The following HIVEP3 variants were observed in gnomAD, a reference collection of about 807,000 sequenced individuals.
HIVEP3 encodes the protein transcription factor HIVEP3.
In HIVEP3, 49 loss-of-function variants were observed where a neutral mutation model predicts 152.8. The observed-to-expected ratio is 0.32, with a 90% CI of 0.26 to 0.41. HIVEP3 has a LOEUF of 0.41. Among genes scored for constraint, HIVEP3 ranks in the 10% least tolerant of loss-of-function variants. The pLI is 1.00. For missense variants in HIVEP3, 2,790 were observed against 3,103.3 expected, an observed-to-expected ratio of 0.90 and a Z score of 2.40; for synonymous variants, 1,269 against 1,289.0, an observed-to-expected ratio of 0.98 and a Z score of 0.33.
At chr1:42,027,687 A>G (rs781292895) in intron 1 of HIVEP3, among the ~76,000 whole-genome samples, 198 of 152,212 alleles carry the variant, frequency 1.3e-3, no homozygotes, top group African/African-American at 4.8e-3. Flanking sequence ...CTGGGAACAA[A>G]AAGAGGTTTA....
At chr1:41,888,294 T>C (rs921584421) in intron 1 of HIVEP3, among the ~76,000 whole-genome samples, 3 of 148,534 alleles carry the variant, frequency 2.0e-5, no homozygotes, top group African/African-American at 7.5e-5. Context: ...CTTCGTAATC[T>C]GCCCACCTTG....
intron 1 of HIVEP3, among the ~76,000 whole-genome samples, chr1:41,893,122 C>CAA (rs59214004): frequency 0.061 from 4,662 of 76,488 alleles, 400 homozygotes; most frequent in African/African-American, 0.18. Context: ...GATCTCGTCT[C>CAA]AAAAAAAAAA....
intron 3 of HIVEP3, among the ~76,000 whole-genome samples, chr1:41,594,218 T>C (rs924371817): frequency 6.6e-6 from 1 of 152,224 alleles, no homozygotes; most frequent in African/African-American, 2.4e-5. Flanking sequence ...GTTTCAGTTA[T>C]AATTATTTTA....
At chr1:41,559,449 C>G (rs961125678) in intron 5 of HIVEP3, among the ~76,000 whole-genome samples, 1 of 152,142 alleles carries the variant, frequency 6.6e-6, no homozygotes, top group African/African-American at 2.4e-5. Flanking sequence ...CCTGGCAGGA[C>G]ACTTTCCTCC....
intron 1 of HIVEP3, among the ~76,000 whole-genome samples, chr1:41,977,036 T>G (rs189617358): frequency 3.3e-5 from 5 of 152,248 alleles, no homozygotes; most frequent in African/African-American, 1.2e-4. Context: ...TCAACATATC[T>G]CTAATGTTTG....
chr1:41,699,387 A>G (rs952631557), intron 2 of HIVEP3, among the ~76,000 whole-genome samples: 4 of 152,256 alleles, frequency 2.6e-5, no homozygotes, highest in African/African-American at 9.6e-5. Flanking sequence ...AAGTGTTCTG[A>G]GTTCTACCAA....
chr1:41,532,217 A>T (rs1372247527), intron 5 of HIVEP3, among the ~76,000 whole-genome samples: 2 of 147,250 alleles, frequency 1.4e-5, no homozygotes, highest in Non-Finnish European at 3.0e-5. Context: ...GATGGAGGAC[A>T]GGAGAGATGG....
At chr1:42,019,833 G>A (rs1645543803) in intron 1 of HIVEP3, among the ~76,000 whole-genome samples, 1 of 151,928 alleles carries the variant, frequency 6.6e-6, no homozygotes, top group African/African-American at 2.4e-5. Flanking sequence ...TCACCATCAA[G>A]AATGATGTTT....
At chr1:41,742,065 A>C (rs750092520) in intron 1 of HIVEP3, among the ~76,000 whole-genome samples, 1 of 152,190 alleles carries the variant, frequency 6.6e-6, no homozygotes, top group Non-Finnish European at 1.5e-5. Context: ...TGAATTCTAC[A>C]CCATTGTGAA....
intron 5 of HIVEP3, among the ~76,000 whole-genome samples, chr1:41,572,302 G>C (rs1364970716): frequency 6.6e-6 from 1 of 152,216 alleles, no homozygotes; most frequent in Non-Finnish European, 1.5e-5. Flanking sequence ...ACACTACCAA[G>C]GGAGAATGCT....
chr1:41,587,153 C>T (rs1190919231), intron 3 of HIVEP3, among the ~76,000 whole-genome samples: 1 of 152,150 alleles, frequency 6.6e-6, no homozygotes, highest in Non-Finnish European at 1.5e-5. Context: ...CAGTCAGGAG[C>T]AGTGAATGAT....
Position 41,926,538 on chromosome 1 carries a change from TC to T in HIVEP3, n.120-8015del, listed in dbSNP as rs1190020229. 2.0e-5 allele frequency among the ~76,000 whole-genome samples: 3 copies of T among 152,078 alleles called. No individual in the cohort carries two copies. In the East Asian group the frequency reaches 5.8e-4, roughly 29 times the overall value. ...ATAATGCAGTGGGGAGGCTATGACC[TC>T]AGTTTGTAGGGGAAGGAAATAGCAG... is the stretch of plus-strand genomic sequence containing the variant. On this transcript the variant is annotated intron_variant and non_coding_transcript_variant, in intron 1 of 3. Coordinates refer to the HIVEP3 transcript ENST00000489103.
intron 2 of HIVEP3, 113 bp from the exon 3 acceptor site, chr1:41,629,060 C>A: frequency 1.5e-6 from 1 of 681,968 alleles, no homozygotes; most frequent in African/African-American, 1.9e-5. Flanking sequence ...TACTCCCAAG[C>A]AGCTTTACTT....
intron 1 of HIVEP3, among the ~76,000 whole-genome samples, chr1:41,845,009 T>C (rs1643396593): frequency 6.6e-6 from 1 of 152,168 alleles, no homozygotes; most frequent in Non-Finnish European, 1.5e-5. Context: ...TTGCACTGCC[T>C]CTTCCCTCTG....
At chr1:41,693,707 G>A (rs1001534627) in intron 2 of HIVEP3, among the ~76,000 whole-genome samples, 3 of 152,160 alleles carry the variant, frequency 2.0e-5, no homozygotes, top group Non-Finnish European at 2.9e-5. Context: ...ACGTAAGGAG[G>A]CATTCGTCAT....
At chr1:41,596,154 C>T (rs555686801) in intron 3 of HIVEP3, among the ~76,000 whole-genome samples, 5 of 152,188 alleles carry the variant, frequency 3.3e-5, no homozygotes, top group East Asian at 1.9e-4. Context: ...CCCAGAATGA[C>T]GAGATAAAGT....
At chr1:41,675,035 T>C (rs1645933954) in intron 2 of HIVEP3, among the ~76,000 whole-genome samples, 1 of 152,146 alleles carries the variant, frequency 6.6e-6, no homozygotes, top group Non-Finnish European at 1.5e-5. Flanking sequence ...TGCTGGCTTC[T>C]CATTTATAGA....
chr1:42,026,129 T>C (rs1284375363), intron 1 of HIVEP3, among the ~76,000 whole-genome samples: 1 of 152,100 alleles, frequency 6.6e-6, no homozygotes, highest in Non-Finnish European at 1.5e-5. Context: ...TTACTTTTCC[T>C]TTTTTTCTCT....
rs1644469398 is a variant in HIVEP3 at position 41,584,333 on chromosome 1, C to A, written c.465G>T (p.Glu155Asp). ...AGACTTTGGGGACTCCAGGAAGGTC[C>A]TCGGGGGGAATGATGGAAGCGTGGG... ...LPSHASIIPPEDLPGVPKVFV... is the reference protein window; with the variant it reads ...LPSHASIIPPDDLPGVPKVFV... The change falls in exon 4 of 9, where the codon GAG (glutamate) becomes GAT (aspartate). Residue 155 changes from glutamate (E) to aspartate (D), a missense_variant. Physicochemically the swap from Glu to Asp is conservative, Grantham distance 45. This residue lies in a region of HIVEP3 where 209 missense variants were observed against 237.0 expected (regional missense o/e 0.88). Transcript: ENST00000372583. The surrounding 1 kb of genome is among the most constrained non-coding windows in gnomAD (Gnocchi z 5.2). 6.2e-7 allele frequency: 1 copy of A among 1,613,698 alleles called. No individual in the cohort carries two copies. The highest frequency in any genetic ancestry group is 1.3e-5 in the African/African-American group (1 of 74,870).
Sources: gnomAD v4.1 joint callset for allele counts (sites outside exome capture counted in the v4.1 genomes callset) on GRCh38, gnomAD v4.1.1 for gene constraint, gnomAD v4.1.1 regional missense constraint, Gnocchi (gnomAD v3.1) non-coding constraint, MANE v1.5 for transcripts, NCBI Gene and HGNC (gene_info 2026-07-23, HGNC 2026-07-21) for gene names.